Variants in CHCHD3 observed in about 807,000 individuals in gnomAD.
The protein encoded by CHCHD3 is MICOS complex subunit MIC19.
In CHCHD3, 20 loss-of-function variants were observed where a neutral mutation model predicts 38.2. The observed-to-expected ratio is 0.52, with a 90% CI of 0.37 to 0.76. The LOEUF (loss-of-function observed/expected upper bound fraction) is 0.76, where lower values mean the gene tolerates loss of function less well. Among genes scored for constraint, CHCHD3 ranks in the 30% least tolerant of loss-of-function variants. CHCHD3 has a pLI of 0.00. For missense variants in CHCHD3, 245 were observed against 279.2 expected, an observed-to-expected ratio of 0.88 and a Z score of 0.87; for synonymous variants, 82 against 100.0, an observed-to-expected ratio of 0.82 and a Z score of 1.07.
chr7:132,914,486 A>G (rs964051618), intron 4 of CHCHD3, among the ~76,000 whole-genome samples: 4 of 152,352 alleles, frequency 2.6e-5, no homozygotes, highest in African/African-American at 9.6e-5. Context: ...ACTATTATGT[A>G]CATGATTAAT....
At chr7:133,003,316 T>C (rs1305884707) in intron 3 of CHCHD3, among the ~76,000 whole-genome samples, 1 of 152,180 alleles carries the variant, frequency 6.6e-6, no homozygotes, top group Admixed American at 6.5e-5. Flanking sequence ...AACATGCTCT[T>C]AAAATAAATT....
At chr7:133,046,285 T>C (rs575585879) in intron 2 of CHCHD3, among the ~76,000 whole-genome samples, 3 of 152,310 alleles carry the variant, frequency 2.0e-5, no homozygotes, top group African/African-American at 7.2e-5. Flanking sequence ...AACTTCTAAA[T>C]AAAGTATGCA....
At chr7:132,806,538 T>C (rs758200825) in intron 6 of CHCHD3, among the ~76,000 whole-genome samples, 27 of 152,012 alleles carry the variant, frequency 1.8e-4, no homozygotes, top group Non-Finnish European at 3.2e-4. Flanking sequence ...GATGAGATAA[T>C]GGAATTTCAC....
intron 6 of CHCHD3, among the ~76,000 whole-genome samples, chr7:132,826,282 T>C (rs904199130): frequency 4.6e-5 from 7 of 152,206 alleles, no homozygotes; most frequent in Admixed American, 2.0e-4. Flanking sequence ...AATAATGTAA[T>C]TGGCAAATAG....
chr7:132,900,683 T>C (rs572887600), intron 4 of CHCHD3, among the ~76,000 whole-genome samples: 7 of 152,212 alleles, frequency 4.6e-5, no homozygotes, highest in Non-Finnish European at 1.0e-4. Context: ...AAGATGCAAC[T>C]CTACTATATT....
At chr7:132,800,790 G>A (rs1057075779) in intron 6 of CHCHD3, among the ~76,000 whole-genome samples, 1 of 152,024 alleles carries the variant, frequency 6.6e-6, no homozygotes, top group African/African-American at 2.4e-5. Context: ...GGAGAAGAGA[G>A]GGAACAAGAA....
intron 5 of CHCHD3, among the ~76,000 whole-genome samples, chr7:132,873,418 T>A (rs949444048): frequency 2.9e-5 from 2 of 69,494 alleles, no homozygotes; most frequent in African/African-American, 1.5e-4. Flanking sequence ...TGGTAAATTT[T>A]TTTTTTTTTT....
At chr7:132,821,502 C>T (rs1301070337) in intron 6 of CHCHD3, among the ~76,000 whole-genome samples, 2 of 151,916 alleles carry the variant, frequency 1.3e-5, no homozygotes, top group Non-Finnish European at 2.9e-5. Flanking sequence ...AAGAGAAGTC[C>T]TAATAAACTT....
rs1205810071 is a variant in CHCHD3, at chr7:132,910,249, G to A, written c.370-24504C>T. ...TACCGGTAAAACTTGCCAAGGGCAGGGGGTATTTCTTTTTATTACTGTATG... is the reference window on the plus strand; with the variant it reads ...TACCGGTAAAACTTGCCAAGGGCAGAGGGTATTTCTTTTTATTACTGTATG... On this transcript the variant is annotated intron_variant, in intron 4 of 7. Coordinates refer to ENST00000262570, the MANE Select transcript of CHCHD3 (RefSeq NM_017812.4). 2.0e-5 allele frequency among the ~76,000 whole-genome samples: 3 copies of A among 152,210 alleles called. No individual in the cohort carries two copies. The South Asian group carries it at 6.2e-4, about 32-fold the overall frequency.
intron 6 of CHCHD3, among the ~76,000 whole-genome samples, chr7:132,830,970 G>A (rs1276260336): frequency 1.3e-5 from 2 of 152,114 alleles, no homozygotes; most frequent in African/African-American, 2.4e-5. Context: ...CACCACTGCA[G>A]CTGCTATATT....
intron 5 of CHCHD3, among the ~76,000 whole-genome samples, chr7:132,847,839 G>A (rs1455383456): frequency 3.3e-5 from 5 of 152,080 alleles, no homozygotes; most frequent in Admixed American, 2.0e-4. Context: ...AAATCAAAGA[G>A]GTCATAAGAA....
At chr7:132,899,852 C>T (rs924619012) in intron 4 of CHCHD3, among the ~76,000 whole-genome samples, 2 of 152,204 alleles carry the variant, frequency 1.3e-5, no homozygotes, top group African/African-American at 2.4e-5. Flanking sequence ...ACATTTCATG[C>T]GTTACATTTA....
chr7:132,836,490 C>A (rs1185065800), intron 6 of CHCHD3, among the ~76,000 whole-genome samples: 1 of 151,494 alleles, frequency 6.6e-6, no homozygotes, highest in African/African-American at 2.4e-5. Flanking sequence ...ATTGTTTTTT[C>A]TTTTTCTTCT....
chr7:132,847,176 T>C (rs765059905), intron 5 of CHCHD3: 4 of 152,192 alleles, frequency 2.6e-5, no homozygotes, highest in Non-Finnish European at 4.4e-5. Flanking sequence ...CAGAGATTCG[T>C]ACTTCCACCC....
Position 132,955,173 on chromosome 7 carries a change from G to GGGGTGTGTGTGTGTGTGTGTGTGTGT in CHCHD3, c.369+19995_369+19996insACACACACACACACACACACACACCC, listed in dbSNP as rs138213006. Among the ~76,000 whole-genome samples the GGGGTGTGTGTGTGTGTGTGTGTGTGT allele has an allele frequency of 1.2e-3, 153 of 126,280 alleles. 2 individuals carry two copies. The highest frequency in any genetic ancestry group is 1.4e-3 in the Non-Finnish European group (88 of 61,712). The allele number at this position is 126,280 out of a possible 152,430, so 82.8% of individuals were successfully genotyped here. On this transcript the variant is annotated intron_variant, in intron 4 of 7. Coordinates refer to ENST00000262570, the MANE Select transcript of CHCHD3 (RefSeq NM_017812.4). The stretch of plus-strand genomic sequence containing the variant: ...AGAAAGGAGGCTTTTTCCCTCAGAG[G>GGGGTGTGTGTGTGTGTGTGTGTGTGT]GTGTGTGTGTGTGTGTGTGTGTGTG...
chr7:132,936,624 A>C (rs1810638462), intron 4 of CHCHD3, among the ~76,000 whole-genome samples: 1 of 152,204 alleles, frequency 6.6e-6, no homozygotes, highest in African/African-American at 2.4e-5. Context: ...AACTGTGAGA[A>C]ACCACATGCT....
At chr7:132,961,933 A>G (rs894636895) in intron 4 of CHCHD3, among the ~76,000 whole-genome samples, 1 of 152,174 alleles carries the variant, frequency 6.6e-6, no homozygotes, top group African/African-American at 2.4e-5. Context: ...CTCCAGGTTC[A>G]CACTCACCAT....
At chr7:132,983,494 T>C (rs917445217) in intron 3 of CHCHD3, among the ~76,000 whole-genome samples, 1 of 152,234 alleles carries the variant, frequency 6.6e-6, no homozygotes, top group Admixed American at 6.5e-5. Context: ...CACCTCCTGT[T>C]GCTATTGTAG....
chr7:132,855,890 A>G, intron 5 of CHCHD3, among the ~76,000 whole-genome samples: 1 of 133,544 alleles, frequency 7.5e-6, no homozygotes, highest in Non-Finnish European at 1.6e-5. Flanking sequence ...AAGAAAAAAA[A>G]GAAGAGGGTG....
Sources: allele counts gnomAD v4.1 joint callset (sites outside exome capture counted in the v4.1 genomes callset), GRCh38; gene constraint gnomAD v4.1.1; transcripts MANE v1.5; gene names NCBI Gene and HGNC (gene_info 2026-07-23, HGNC 2026-07-21).